Variants in SUGCT observed in about 807,000 individuals in gnomAD.
SUGCT encodes succinyl-CoA:glutarate CoA-transferase.
In SUGCT, 41 loss-of-function variants were observed where a neutral mutation model predicts 55.0. That is an observed-to-expected ratio of 0.74 (90% CI 0.58 to 0.97). The LOEUF (loss-of-function observed/expected upper bound fraction) is 0.97, where lower values mean the gene tolerates loss of function less well. SUGCT is among the 50% of genes least tolerant of loss of function. SUGCT has a pLI of 0.00. For synonymous variants in SUGCT, 187 were observed against 200.4 expected (o/e 0.93, Z 0.56); for missense variants, 568 against 547.8 (o/e 1.04, Z -0.37).
At chr7:40,897,955 A>C in the SUGCT span, among the ~76,000 whole-genome samples, 1 of 152,192 alleles carries the variant, frequency 6.6e-6, no homozygotes, top group Admixed American at 6.5e-5. Flanking sequence ...CAGATAAGAG[A>C]ATAAAAGCAG....
chr7:41,013,679 A>T, the SUGCT span, among the ~76,000 whole-genome samples: 1 of 151,880 alleles, frequency 6.6e-6, no homozygotes, highest in African/African-American at 2.4e-5. Flanking sequence ...GAGGGCAAAT[A>T]TTGTGACACA....
At chr7:40,895,001 ACATAAATGTGT>A in the SUGCT span, among the ~76,000 whole-genome samples, 1 of 152,244 alleles carries the variant, frequency 6.6e-6, no homozygotes, top group African/African-American at 2.4e-5. Flanking sequence ...CCATAAATAC[ACATAAATGTGT>A]ATGTTCATTG....
At chr7:40,987,856 A>G in the SUGCT span, among the ~76,000 whole-genome samples, 15 of 152,284 alleles carry the variant, frequency 9.9e-5, no homozygotes, top group East Asian at 1.9e-4. Context: ...AGAGAGGCCA[A>G]TGAAAATAAA....
intron 10 of SUGCT, among the ~76,000 whole-genome samples, chr7:40,453,120 G>C (rs984943987): frequency 6.6e-6 from 1 of 152,182 alleles, no homozygotes; most frequent in Admixed American, 6.5e-5. Context: ...ATGTCAGAGA[G>C]AGTGTGGAAA....
intron 10 of SUGCT, 90 bp downstream of exon 10, chr7:40,449,448 CT>C (rs1583706228): frequency 1.2e-6 from 1 of 858,754 alleles, no homozygotes; most frequent in Non-Finnish European, 1.9e-6. Context: ...CTTAGGCCCC[CT>C]GTGTTAGCAA....
chr7:40,815,336 A>G (rs1016193663), intron 13 of SUGCT, among the ~76,000 whole-genome samples: 3 of 152,192 alleles, frequency 2.0e-5, no homozygotes, highest in Admixed American at 6.5e-5. Context: ...TCCTTGGCCT[A>G]AGTTCTCTAT....
intron 12 of SUGCT, among the ~76,000 whole-genome samples, chr7:40,575,925 C>T (rs1338034713): frequency 7.3e-6 from 1 of 136,146 alleles, no homozygotes; most frequent in African/African-American, 2.8e-5. Context: ...GCCTGAGTGA[C>T]AGAGTGAGAC....
chr7:40,709,800 T>C (rs1785614052), intron 12 of SUGCT, among the ~76,000 whole-genome samples: 1 of 152,182 alleles, frequency 6.6e-6, no homozygotes, highest in African/African-American at 2.4e-5. Context: ...TCAGAATCAC[T>C]TGGAGGGTGA....
chr7:40,518,612 C>A (rs1462533850), intron 12 of SUGCT, among the ~76,000 whole-genome samples: 2 of 152,018 alleles, frequency 1.3e-5, no homozygotes, highest in Non-Finnish European at 2.9e-5. Context: ...GCAGTTGTAT[C>A]CCAGATGTCA....
intron 9 of SUGCT, among the ~76,000 whole-genome samples, chr7:40,335,274 A>T (rs942772318): frequency 6.6e-6 from 1 of 152,086 alleles, no homozygotes; most frequent in Non-Finnish European, 1.5e-5. Flanking sequence ...GTTTTTTCCA[A>T]TTCTGTGAAG....
intron 5 of SUGCT, 81 bp from the exon 6 acceptor site, chr7:40,194,859 A>G: frequency 8.9e-6 from 13 of 1,468,686 alleles, no homozygotes; most frequent in Non-Finnish European, 1.2e-5. Flanking sequence ...ACAAAGGGAG[A>G]ATCAATTGTG....
chr7:40,340,632 A>G (rs1796993091), intron 9 of SUGCT, among the ~76,000 whole-genome samples: 1 of 152,194 alleles, frequency 6.6e-6, no homozygotes, highest in African/African-American at 2.4e-5. Context: ...TAGGCAAAAG[A>G]TTGTTCAAGT....
chr7:40,989,774 C>A, the SUGCT span, among the ~76,000 whole-genome samples: 1 of 152,046 alleles, frequency 6.6e-6, no homozygotes, highest in South Asian at 2.1e-4. Flanking sequence ...GTCTTAAAAA[C>A]AAAACAAAAC....
chr7:40,512,682 C>CTGGAAAATG (rs988188408), intron 12 of SUGCT, among the ~76,000 whole-genome samples: 1 of 151,534 alleles, frequency 6.6e-6, no homozygotes, highest in Non-Finnish European at 1.5e-5. Context: ...AAGATGTTTG[C>CTGGAAAATG]TGGAAAATGT....
chr7:40,685,399 C>T (rs76287699), intron 12 of SUGCT, among the ~76,000 whole-genome samples: 4,281 of 152,240 alleles, frequency 0.028, 212 homozygotes, highest in African/African-American at 0.097. Context: ...TGACTGTCTT[C>T]CTGAATTGTC....
intron 12 of SUGCT, among the ~76,000 whole-genome samples, chr7:40,693,368 T>C (rs1290432306): frequency 4.6e-5 from 7 of 152,334 alleles, no homozygotes; most frequent in Non-Finnish European, 8.8e-5. Context: ...GACCTAGAAT[T>C]AATAGCACAC....
intron 9 of SUGCT, among the ~76,000 whole-genome samples, chr7:40,340,257 A>G (rs545303619): frequency 6.6e-6 from 1 of 152,332 alleles, no homozygotes; most frequent in East Asian, 1.9e-4. Context: ...ATGGAATTAT[A>G]CTGGACTTGG....
intron 12 of SUGCT, among the ~76,000 whole-genome samples, chr7:40,608,097 C>G (rs1337310319): frequency 2.0e-5 from 3 of 152,198 alleles, no homozygotes; most frequent in Non-Finnish European, 4.4e-5. Context: ...GCCCCTTTCT[C>G]TCTGAATCTG....
intron 13 of SUGCT, among the ~76,000 whole-genome samples, chr7:40,856,583 C>T (rs546830970): frequency 6.6e-6 from 1 of 152,232 alleles, no homozygotes; most frequent in Non-Finnish European, 1.5e-5. Context: ...TTAAGTTAAA[C>T]CAAAGTTGGG....
Sources: gnomAD v4.1 joint callset for allele counts (sites outside exome capture counted in the v4.1 genomes callset) on GRCh38, gnomAD v4.1.1 for gene constraint, MANE v1.5 for transcripts, NCBI Gene and HGNC (gene_info 2026-07-23, HGNC 2026-07-21) for gene names.